FGF10: variants seen among roughly 807,000 people sequenced by gnomAD.
The protein encoded by FGF10 is FGF-10.
In FGF10, 2 loss-of-function variants were observed where a neutral mutation model predicts 19.8. The ratio of observed to expected loss-of-function variants is 0.10; its 90% CI spans 0.04 to 0.32. The LOEUF (loss-of-function observed/expected upper bound fraction) is 0.32, where lower values mean the gene tolerates loss of function less well. FGF10 is among the 10% of genes least tolerant of loss of function. FGF10 has a pLI of 1.00. For synonymous variants in FGF10, 112 were observed against 94.0 expected, an observed-to-expected ratio of 1.19 and a Z score of -1.10; for missense variants, 191 against 246.3, an observed-to-expected ratio of 0.78 and a Z score of 1.50.
At chr5:44,339,407 G>A (rs181977668) in intron 1 of FGF10, among the ~76,000 whole-genome samples, 3 of 152,250 alleles carry the variant, frequency 2.0e-5, no homozygotes, top group Admixed American at 1.3e-4. Flanking sequence ...GACATTTAGA[G>A]TTGAGGACAA....
At chr5:44,347,450 T>G (rs961777618) in intron 1 of FGF10, among the ~76,000 whole-genome samples, 1 of 151,752 alleles carries the variant, frequency 6.6e-6, no homozygotes, top group African/African-American at 2.4e-5. Flanking sequence ...GCAATATTGA[T>G]GTACTTGCCA....
intron 1 of FGF10, among the ~76,000 whole-genome samples, chr5:44,383,029 T>C (rs1302711092): frequency 6.6e-6 from 1 of 152,084 alleles, no homozygotes; most frequent in Non-Finnish European, 1.5e-5. Context: ...TAAAGAAATA[T>C]CATTTGCACT....
intron 1 of FGF10, among the ~76,000 whole-genome samples, chr5:44,311,192 G>A (rs1274855908): frequency 6.6e-6 from 1 of 151,164 alleles, no homozygotes; most frequent in Non-Finnish European, 1.5e-5. Flanking sequence ...TTTTTTCCTA[G>A]GAAAAATGGA....
At chr5:44,344,181 A>G (rs183909421) in intron 1 of FGF10, among the ~76,000 whole-genome samples, 1 of 152,036 alleles carries the variant, frequency 6.6e-6, no homozygotes, top group Admixed American at 6.6e-5. Flanking sequence ...GACAGGTGAG[A>G]CTGAAAACAC....
At chr5:44,313,418 T>C (rs1040051452) in intron 1 of FGF10, among the ~76,000 whole-genome samples, 4 of 152,036 alleles carry the variant, frequency 2.6e-5, no homozygotes, top group African/African-American at 9.7e-5. Context: ...GTTTGAGGAT[T>C]GTTGGATCAG....
At chr5:44,388,111 G>A (rs1055978403) in intron 1 of FGF10, among the ~76,000 whole-genome samples, 2 of 151,906 alleles carry the variant, frequency 1.3e-5, no homozygotes, top group African/African-American at 4.8e-5. Flanking sequence ...ACAGGCTGGA[G>A]GGAAGGGGTG....
rs527327888 is a variant in FGF10 at position 44,382,393 on chromosome 5, G to C, written c.325+5965C>G. ...TAAAATCTATACAAATTAAGTACTG[G>C]GTTTTAAACTGATTCTGTAAAACAT... On this transcript the variant is annotated intron_variant, in intron 1 of 2. Coordinates refer to ENST00000264664, the MANE Select transcript of FGF10 (RefSeq NM_004465.2). 2.1e-4 allele frequency among the ~76,000 whole-genome samples: 32 copies of C among 152,126 alleles called. No homozygotes were observed. The East Asian group carries it at 6.2e-3, about 29-fold the overall frequency.
chr5:44,345,438 T>A (rs10073166), intron 1 of FGF10, among the ~76,000 whole-genome samples: 2 of 151,516 alleles, frequency 1.3e-5, no homozygotes, highest in Non-Finnish European at 2.9e-5. Context: ...CCAAAGTGAA[T>A]GACCATTACC....
rs942680926 is a variant in FGF10, at chr5:44,389,163, T to G, written c.-481A>C. ...CGGTTGGCACCTTCTGGTCTCTCTC[T>G]GCGGAGCCCCAGCCTGCGAGCCACT... On this transcript the variant is annotated 5_prime_UTR_variant, in exon 1 of 3. Transcript: ENST00000264664. 1.4e-5 allele frequency: 3 copies of G among 220,074 alleles called. No individual in the cohort carries two copies. The highest frequency in any genetic ancestry group is 2.2e-5 in the African/African-American group (1 of 44,604). 13.6% of individuals were successfully genotyped at this position (220,074 alleles called of 1,614,324 possible).
chr5:44,302,577 A>T lies in FGF10; in HGVS notation c.*2418T>A, dbSNP rs181187284. 6.6e-6 allele frequency among the ~76,000 whole-genome samples: 1 copy of T among 152,096 alleles called. No homozygotes were observed. The highest frequency in any genetic ancestry group is 1.9e-4 in the East Asian group (1 of 5,174). ...AGAAGGATGTCTCACTAGGTTTCTC[A>T]GGCCTGTCTAGAACTCCTGGACTCA... is the stretch of plus-strand genomic sequence containing the variant. On this transcript the variant is annotated 3_prime_UTR_variant, in exon 3 of 3. Transcript: ENST00000264664.
In FGF10 at chr5:44,355,982, T is replaced by C. The variant is rs547207634; in HGVS notation, c.325+32376A>G. Among the ~76,000 whole-genome samples the C allele has an allele frequency of 3.3e-5, 5 of 151,584 alleles. No homozygotes were observed. In the South Asian group the frequency reaches 1.0e-3, roughly 31 times the overall value. ...AAAGAGCGAGGTGAAATTGTTACAA[T>C]TTCCCTTAGGAAATAAATGATGGGA... On this transcript the variant is annotated intron_variant, in intron 1 of 2. Coordinates refer to ENST00000264664, the MANE Select transcript of FGF10 (RefSeq NM_004465.2).
At chr5:44,384,117 G>A (rs1456273692) in intron 1 of FGF10, among the ~76,000 whole-genome samples, 1 of 152,006 alleles carries the variant, frequency 6.6e-6, no homozygotes, top group African/African-American at 2.4e-5. Context: ...AGAAGTTTCT[G>A]CAACAGTCCA....
At chr5:44,318,044 T>C (rs1034267639) in intron 1 of FGF10, among the ~76,000 whole-genome samples, 37 of 152,280 alleles carry the variant, frequency 2.4e-4, no homozygotes, top group African/African-American at 8.9e-4. Flanking sequence ...ATAGAAACTC[T>C]ACCCTTATTC....
intron 1 of FGF10, among the ~76,000 whole-genome samples, chr5:44,337,968 A>G (rs1740891019): frequency 6.6e-6 from 1 of 152,186 alleles, no homozygotes; most frequent in African/African-American, 2.4e-5. Flanking sequence ...TACAATTATT[A>G]TGTGTAATGA....
chr5:44,355,832 G>A (rs1009203639), intron 1 of FGF10, among the ~76,000 whole-genome samples: 2 of 151,318 alleles, frequency 1.3e-5, no homozygotes, highest in African/African-American at 4.8e-5. Flanking sequence ...AATAAATTCA[G>A]ATAAATTATC....
chr5:44,320,286 C>T (rs545174413), intron 1 of FGF10, among the ~76,000 whole-genome samples: 7 of 152,188 alleles, frequency 4.6e-5, no homozygotes, highest in Admixed American at 6.5e-5. Context: ...CAGAATCTAG[C>T]ACTTAATTTA....
intron 1 of FGF10, among the ~76,000 whole-genome samples, chr5:44,314,935 C>A (rs999627392): frequency 6.6e-6 from 1 of 151,830 alleles, no homozygotes; most frequent in African/African-American, 2.4e-5. Flanking sequence ...TGGATATAGA[C>A]AAGGAAAACT....
intron 1 of FGF10, among the ~76,000 whole-genome samples, chr5:44,336,685 A>T (rs1450785175): frequency 6.6e-6 from 1 of 152,214 alleles, no homozygotes; most frequent in African/African-American, 2.4e-5. Context: ...TTCATCTGTA[A>T]TATGAAATAA....
chr5:44,339,836 T>C (rs1740928745), intron 1 of FGF10, among the ~76,000 whole-genome samples: 1 of 152,140 alleles, frequency 6.6e-6, no homozygotes, highest in Non-Finnish European at 1.5e-5. Context: ...CCCCATTCTT[T>C]TCATGTTCCT....
Sources: allele counts gnomAD v4.1 joint callset (sites outside exome capture counted in the v4.1 genomes callset), GRCh38; gene constraint gnomAD v4.1.1; transcripts MANE v1.5; gene names NCBI Gene and HGNC (gene_info 2026-07-23, HGNC 2026-07-21).